Variants in LRRN1 observed in about 807,000 individuals in gnomAD.
The protein encoded by LRRN1 is leucine-rich repeat neuronal protein 1.
In LRRN1, 14 loss-of-function variants were observed where a neutral mutation model predicts 45.8. The ratio of observed to expected loss-of-function variants is 0.31; its 90% CI spans 0.20 to 0.48. The LOEUF (loss-of-function observed/expected upper bound fraction) is 0.48, where lower values mean the gene tolerates loss of function less well. Among genes scored for constraint, LRRN1 ranks in the 20% least tolerant of loss-of-function variants. LRRN1 has a pLI of 0.99. For missense variants in LRRN1, 789 were observed against 874.2 expected (o/e 0.90, Z 1.23); for synonymous variants, 359 against 330.1 (o/e 1.09, Z -0.95).
chr3:3,806,039 G>C lies in LRRN1; in HGVS notation c.-279+6120G>C, dbSNP rs535918225. Among the ~76,000 whole-genome samples, 56 of 146,338 alleles carry C rather than the reference G, an allele frequency of 3.8e-4. 3 individuals are homozygous for C. In the Middle Eastern group the frequency reaches 0.01, roughly 27 times the overall value. On this transcript the variant is annotated intron_variant, in intron 1 of 1. Transcript: ENST00000319331. ...AACCAAGGGTGATTTTTGCCTCTGAGGGGACATTAGGCAATATTTGGAGCC... is the reference window on the plus strand; with the variant it reads ...AACCAAGGGTGATTTTTGCCTCTGACGGGACATTAGGCAATATTTGGAGCC...
intron 1 of LRRN1, chr3:3,827,502 C>G: frequency 2.2e-6 from 1 of 456,570 alleles, no homozygotes; most frequent in Non-Finnish European, 4.4e-6. Context: ...ATCTATTTTT[C>G]TTAAACTCTG....
chr3:3,807,294 C>T (rs1692783922), intron 1 of LRRN1, among the ~76,000 whole-genome samples: 1 of 152,100 alleles, frequency 6.6e-6, no homozygotes, highest in African/African-American at 2.4e-5. Context: ...AATGGGACAA[C>T]CCAGAACATG....
rs201411004 is a variant in LRRN1 at position 3,845,580 on chromosome 3, A to G, written c.939A>G (p.Glu313=). The G allele has an allele frequency of 3.3e-5, 54 of 1,613,970 alleles. No individual in the cohort carries two copies. Among genetic ancestry groups the G allele is most frequent in the Admixed American group, 1.2e-4 (7 of 60,004 alleles). ...GCTATGCCCTGGATAACTTGCCTGA[A>G]CTCACAAAGCTGGAAGCCACCAATA... ...VDRYALDNLP[E]LTKLEATNNP... The change falls in exon 2 of 2, where the codon GAA becomes GAG. Residue 313 remains glutamate (E), a synonymous_variant. Transcript: ENST00000319331. The surrounding 1 kb of genome is among the most constrained non-coding windows in gnomAD (Gnocchi z 6.5).
At chr3:3,800,743 G>A (rs1339164150) in intron 1 of LRRN1, 4 of 152,258 alleles carry the variant, frequency 2.6e-5, no homozygotes, top group Non-Finnish European at 5.9e-5. Context: ...ACAGACCTCA[G>A]CCCGTGAGCC....
chr3:3,829,798 C>G (rs1693325083), intron 1 of LRRN1, among the ~76,000 whole-genome samples: 1 of 152,158 alleles, frequency 6.6e-6, no homozygotes, highest in Non-Finnish European at 1.5e-5. Context: ...AGATGTTAGT[C>G]TTGGTAAAAG....
intron 1 of LRRN1, among the ~76,000 whole-genome samples, chr3:3,803,917 G>T (rs1253921524): frequency 6.6e-6 from 1 of 152,148 alleles, no homozygotes; most frequent in Admixed American, 6.5e-5. Context: ...CTGAAACATA[G>T]ATAAATGCAT....
At chr3:3,822,133 G>C (rs1693117253) in intron 1 of LRRN1, among the ~76,000 whole-genome samples, 1 of 152,128 alleles carries the variant, frequency 6.6e-6, no homozygotes, top group African/African-American at 2.4e-5. Flanking sequence ...TTATTTTTCT[G>C]AGTCTCCATT....
intron 1 of LRRN1, among the ~76,000 whole-genome samples, chr3:3,806,303 T>G (rs1221797818): frequency 2.6e-5 from 4 of 151,970 alleles, no homozygotes; most frequent in Admixed American, 2.0e-4. Context: ...ATGGTGGGAG[T>G]GCAGGCTACA....
rs1365915571 is a variant in LRRN1 at position 3,838,093 on chromosome 3, A to G, written c.-278-6271A>G. Among the ~76,000 whole-genome samples the G allele has an allele frequency of 2.6e-5, 4 of 152,198 alleles. No individual in the cohort carries two copies. The East Asian group carries it at 7.7e-4, about 29-fold the overall frequency. Reference sequence around the variant, plus strand: ...TTTCTTTTTATAACTCAGAAATAAGACCACCCATCTACAACCATCTGATCT... The same window carrying G: ...TTTCTTTTTATAACTCAGAAATAAGGCCACCCATCTACAACCATCTGATCT... On this transcript the variant is annotated intron_variant, in intron 1 of 1. Transcript: ENST00000319331.
rs903400330 is a variant in LRRN1, at chr3:3,849,740, C to T, written c.*2948C>T. 6.6e-6 allele frequency among the ~76,000 whole-genome samples: 1 copy of T among 152,136 alleles called. No individual in the cohort carries two copies. Among genetic ancestry groups the T allele is most frequent in the Non-Finnish European group, 1.5e-5 (1 of 68,010 alleles). On this transcript the variant is annotated 3_prime_UTR_variant, in exon 2 of 2. Transcript: ENST00000319331. Reference sequence around the variant, plus strand: ...TGAACTGATGCCATGGATATAAAAACAAATGTAATGTTTGATTGTCAGTGT... The same window carrying T: ...TGAACTGATGCCATGGATATAAAAATAAATGTAATGTTTGATTGTCAGTGT...
At chr3:3,817,202 G>A (rs754824779) in intron 1 of LRRN1, among the ~76,000 whole-genome samples, 1 of 152,154 alleles carries the variant, frequency 6.6e-6, no homozygotes, top group Non-Finnish European at 1.5e-5. Flanking sequence ...CAAGCTTTCA[G>A]AGGAAAGGTT....
chr3:3,809,350 A>G (rs1692830263), intron 1 of LRRN1, among the ~76,000 whole-genome samples: 1 of 152,044 alleles, frequency 6.6e-6, no homozygotes, highest in African/African-American at 2.4e-5. Context: ...CACCATGTTA[A>G]CCAGGCTGGT....
intron 1 of LRRN1, among the ~76,000 whole-genome samples, chr3:3,817,190 C>T (rs1220228967): frequency 2.6e-5 from 4 of 152,118 alleles, no homozygotes; most frequent in Admixed American, 2.6e-4. Context: ...CACTGTGGCC[C>T]CCAAGCTTTC....
intron 1 of LRRN1, among the ~76,000 whole-genome samples, chr3:3,820,300 T>C (rs1406613540): frequency 6.6e-6 from 1 of 152,198 alleles, no homozygotes; most frequent in East Asian, 1.9e-4. Context: ...AACAGTCATT[T>C]TCGAGTACCT....
chr3:3,816,855 C>T lies in LRRN1; in HGVS notation c.-279+16936C>T, dbSNP rs1692996432. 6.6e-6 allele frequency among the ~76,000 whole-genome samples: 1 copy of T among 152,178 alleles called. No homozygotes were observed. The highest frequency in any genetic ancestry group is 2.4e-5 in the African/African-American group (1 of 41,448). Reference sequence around the variant, plus strand: ...TCACAGAAAGGCCCTGTGCAACGAACTTGACTTTAACTTCAGCTGGTTCAC... The same window carrying T: ...TCACAGAAAGGCCCTGTGCAACGAATTTGACTTTAACTTCAGCTGGTTCAC... On this transcript the variant is annotated intron_variant, in intron 1 of 1. Coordinates refer to ENST00000319331, the MANE Select transcript of LRRN1 (RefSeq NM_020873.7). This position sits in a 1 kb window ranked among gnomAD's most constrained non-coding sequence, Gnocchi z 4.0.
intron 1 of LRRN1, among the ~76,000 whole-genome samples, chr3:3,841,103 T>C (rs1450993434): frequency 1.3e-5 from 2 of 152,022 alleles, no homozygotes; most frequent in African/African-American, 4.8e-5. Context: ...ATCCAGACCA[T>C]CCTGGCTAAT....
chr3:3,827,458 T>C, intron 1 of LRRN1: 2 of 456,710 alleles, frequency 4.4e-6, no homozygotes, highest in South Asian at 3.1e-5. Context: ...TCTTGCCTCA[T>C]GGAGTAGCTA....
At chr3:3,839,758 G>A (rs1202624314) in intron 1 of LRRN1, among the ~76,000 whole-genome samples, 1 of 152,028 alleles carries the variant, frequency 6.6e-6, no homozygotes, top group East Asian at 1.9e-4. Flanking sequence ...AAATGGGGTT[G>A]TTTCCTTAAT....
At chr3:3,830,315 C>T (rs961757851) in intron 1 of LRRN1, among the ~76,000 whole-genome samples, 3 of 152,194 alleles carry the variant, frequency 2.0e-5, no homozygotes, top group African/African-American at 7.2e-5. Flanking sequence ...ATGTTTCTTC[C>T]AAGTCCCTGA....
Sources: allele counts gnomAD v4.1 joint callset (sites outside exome capture counted in the v4.1 genomes callset), GRCh38; gene constraint gnomAD v4.1.1; non-coding constraint Gnocchi (gnomAD v3.1); transcripts MANE v1.5; gene names NCBI Gene and HGNC (gene_info 2026-07-23, HGNC 2026-07-21).